Variants in RGS6 observed in about 807,000 individuals in gnomAD.
The protein encoded by RGS6 is regulator of G-protein signaling 6.
RGS6 carries 30 observed loss-of-function variants against 78.5 expected under a neutral mutation model. That is an observed-to-expected ratio of 0.38 (90% CI 0.29 to 0.52). The LOEUF (loss-of-function observed/expected upper bound fraction) is 0.52, where lower values mean the gene tolerates loss of function less well. RGS6 is among the 20% of genes least tolerant of loss of function. The pLI is 0.85. For missense variants in RGS6, 495 were observed against 609.7 expected, an observed-to-expected ratio of 0.81 and a Z score of 1.98; for synonymous variants, 206 against 206.0, an observed-to-expected ratio of 1.00 and a Z score of 0.00.
At chr14:72,054,041 A>G (rs977417003) in intron 2 of RGS6, among the ~76,000 whole-genome samples, 11 of 152,258 alleles carry the variant, frequency 7.2e-5, no homozygotes, top group African/African-American at 2.4e-4. Flanking sequence ...AGCAATTTCC[A>G]TAACTTCTAT....
At chr14:72,191,980 G>T (rs116923079) in intron 2 of RGS6, among the ~76,000 whole-genome samples, 2,151 of 152,232 alleles carry the variant, frequency 0.014, 19 homozygotes, top group Middle Eastern at 0.037. Context: ...GTGCGTGGGG[G>T]TCGTTAGTGT....
At chr14:72,629,796 C>G in the RGS6 span, 2 of 1,316,986 alleles carry the variant, frequency 1.5e-6, no homozygotes, top group East Asian at 5.0e-5. Context: ...CCCCTCAACA[C>G]CACTCACTGG....
intron 2 of RGS6, among the ~76,000 whole-genome samples, chr14:72,006,513 G>A (rs12883063): frequency 0.63 from 96,433 of 152,064 alleles, 31,872 homozygotes; most frequent in Non-Finnish European, 0.74. Flanking sequence ...ATGCAGAGAG[G>A]CTCATGTGGC....
rs557783563 is a variant in RGS6 at position 72,138,452 on chromosome 14, T to G, written c.84+173577T>G. The stretch of plus-strand genomic sequence containing the variant: ...TCACTGTAGTGCACCTGTACCTGTT[T>G]TTTTTTTTTTTTTTTTTTTTTTACT... On this transcript the variant is annotated intron_variant, in intron 2 of 17. Coordinates refer to ENST00000553525, the MANE Select transcript of RGS6 (RefSeq NM_001204424.2). Among the ~76,000 whole-genome samples the G allele has an allele frequency of 1.4e-4, 21 of 148,038 alleles. No individual in the cohort carries two copies. In the South Asian group the frequency reaches 4.2e-3, roughly 29 times the overall value.
chr14:72,406,055 T>G (rs978471962), intron 3 of RGS6, among the ~76,000 whole-genome samples: 2 of 152,022 alleles, frequency 1.3e-5, no homozygotes, highest in Admixed American at 6.6e-5. Flanking sequence ...TTAGAGAAAA[T>G]TATCCAGTCA....
At chr14:72,586,428 T>C in the RGS6 span, among the ~76,000 whole-genome samples, 1 of 152,156 alleles carries the variant, frequency 6.6e-6, no homozygotes, top group African/African-American at 2.4e-5. Context: ...CCTTCCACCA[T>C]GGGTGGAAGC....
In RGS6 at chr14:72,225,612, A is replaced by G. The variant is rs372585421; in HGVS notation, c.85-126483A>G. ...CTAAAGTGTCAGGATTACAGGCATGAGCCACCACGCCCAGCCAAAAACCAT... is the reference window on the plus strand; with the variant it reads ...CTAAAGTGTCAGGATTACAGGCATGGGCCACCACGCCCAGCCAAAAACCAT... On this transcript the variant is annotated intron_variant, in intron 2 of 17. Coordinates refer to ENST00000553525, the MANE Select transcript of RGS6 (RefSeq NM_001204424.2). 4.5e-4 allele frequency among the ~76,000 whole-genome samples: 68 copies of G among 152,312 alleles called. No homozygotes were observed. The South Asian group carries it at 0.013, about 30-fold the overall frequency.
At chr14:71,872,193 G>A in the RGS6 span, among the ~76,000 whole-genome samples, 18 of 152,176 alleles carry the variant, frequency 1.2e-4, no homozygotes, top group Admixed American at 3.3e-4. Context: ...GTCTCACTAA[G>A]AGAAGCTGAA....
chr14:72,186,235 C>T (rs912747236), intron 2 of RGS6, among the ~76,000 whole-genome samples: 1 of 152,192 alleles, frequency 6.6e-6, no homozygotes, highest in Non-Finnish European at 1.5e-5. Context: ...ATGAATCCTT[C>T]TCAATGTAGA....
chr14:72,471,519 C>A (rs1032383146), intron 8 of RGS6, among the ~76,000 whole-genome samples: 6 of 152,220 alleles, frequency 3.9e-5, no homozygotes, highest in African/African-American at 1.4e-4. Flanking sequence ...GTCTTCAGAG[C>A]AACATTCCTG....
At chr14:72,505,962 C>G (rs2096793384) in intron 13 of RGS6, among the ~76,000 whole-genome samples, 1 of 152,148 alleles carries the variant, frequency 6.6e-6, no homozygotes, top group Non-Finnish European at 1.5e-5. Flanking sequence ...AAGACAGACA[C>G]CCTTGGAGAG....
At chr14:72,280,962 T>G (rs1483464675) in intron 2 of RGS6, among the ~76,000 whole-genome samples, 3 of 152,120 alleles carry the variant, frequency 2.0e-5, no homozygotes. Flanking sequence ...GGTTATGACT[T>G]TATAAACTAG....
intron 17 of RGS6, chr14:72,540,378 G>C: frequency 6.9e-7 from 1 of 1,456,216 alleles, no homozygotes; most frequent in Non-Finnish European, 9.0e-7. Flanking sequence ...CTTTGAGGAG[G>C]AGGGACCCTG....
chr14:71,927,348 A>G, the RGS6 span, among the ~76,000 whole-genome samples: 2 of 152,246 alleles, frequency 1.3e-5, no homozygotes, highest in Non-Finnish European at 2.9e-5. Context: ...ACTGTGATAT[A>G]AACACATTCA....
chr14:72,140,373 G>T (rs2096522989), intron 2 of RGS6, among the ~76,000 whole-genome samples: 1 of 152,132 alleles, frequency 6.6e-6, no homozygotes, highest in Non-Finnish European at 1.5e-5. Flanking sequence ...CAAAGCCCTG[G>T]ATGTGGTATT....
chr14:72,469,804 G>GTGTA (rs2096023361), intron 7 of RGS6: 2 of 514,288 alleles, frequency 3.9e-6, no homozygotes, highest in Non-Finnish European at 6.9e-6. Flanking sequence ...CTTAATGGGT[G>GTGTA]TGTAAATGAA....
chr14:72,195,674 A>G (rs1342512474), intron 2 of RGS6, among the ~76,000 whole-genome samples: 1 of 152,214 alleles, frequency 6.6e-6, no homozygotes, highest in African/African-American at 2.4e-5. Flanking sequence ...TGGGAAAGTG[A>G]CTAGGAGAAC....
chr14:71,885,628 G>A, the RGS6 span, among the ~76,000 whole-genome samples: 2 of 152,306 alleles, frequency 1.3e-5, no homozygotes, highest in Non-Finnish European at 2.9e-5. Context: ...GAGGATCTGA[G>A]GAATAAAGAT....
At chr14:71,947,325 A>G (rs956610757) in intron 1 of RGS6, among the ~76,000 whole-genome samples, 2 of 152,160 alleles carry the variant, frequency 1.3e-5, no homozygotes, top group Admixed American at 6.5e-5. Context: ...TAGGGTATTT[A>G]GTGTCATGCC....
Sources: gnomAD v4.1 joint callset for allele counts (sites outside exome capture counted in the v4.1 genomes callset) on GRCh38, gnomAD v4.1.1 for gene constraint, MANE v1.5 for transcripts, NCBI Gene and HGNC (gene_info 2026-07-23, HGNC 2026-07-21) for gene names.